The following PARP8 variants were observed in gnomAD, a reference collection of about 807,000 sequenced individuals.
PARP8 encodes protein mono-ADP-ribosyltransferase PARP8.
Under a neutral mutation model 124.1 loss-of-function variants are expected in PARP8, and 51 were observed. The ratio of observed to expected loss-of-function variants is 0.41; its 90% CI spans 0.33 to 0.52. PARP8 has a LOEUF of 0.52. PARP8 is among the 20% of genes least tolerant of loss of function. PARP8 has a pLI of 0.21. For missense variants in PARP8, 860 were observed against 1,018.9 expected (o/e 0.84, Z 2.12); for synonymous variants, 391 against 361.5 (o/e 1.08, Z -0.93).
intron 3 of PARP8, among the ~76,000 whole-genome samples, chr5:50,759,047 C>T (rs1414352796): frequency 3.9e-5 from 6 of 152,042 alleles, no homozygotes; most frequent in Non-Finnish European, 8.8e-5. Context: ...GTCTTCAGCT[C>T]AAATTTTTGA....
Position 50,761,826 on chromosome 5 carries a change from A to G in PARP8, c.351A>G (p.Ser117=), listed in dbSNP as rs768855482. Residue 117 remains serine (S), a synonymous_variant, in exon 6 of 26, where the codon TCA becomes TCG. Transcript: ENST00000281631. ...SKLQKENGEE[S]RQNSTVEEDS... is the part of the protein sequence containing the mutation. ...TCTTACTTTATTATTTTAAGGAATC[A>G]AGACAGAATAGTACAGTGGAGGAAG... The G allele has an allele frequency of 5.7e-6, 9 of 1,571,462 alleles. No individual in the cohort carries two copies. Among genetic ancestry groups the G allele is most frequent in the South Asian group, 1.2e-5 (1 of 84,836 alleles).
In PARP8 at chr5:50,815,479, G is replaced by A; in HGVS notation, c.1623G>A (p.Leu541=). ...RELCVFAFQT[L]GVMNEAADEI... is the part of the protein sequence containing the mutation. ...TGTGTGTGTTTGCTTTTCAAACCCT[G>A]GGAGTAATGAATGAAGCTGCTGATG... Residue 541 remains leucine (L), a synonymous_variant, in exon 15 of 26, where the codon CTG becomes CTA. Coordinates refer to ENST00000281631, the MANE Select transcript of PARP8 (RefSeq NM_024615.4). The A allele has an allele frequency of 6.3e-7, 1 of 1,599,626 alleles. No homozygotes were observed. The highest frequency in any genetic ancestry group is 8.5e-7 in the Non-Finnish European group (1 of 1,173,726).
intron 2 of PARP8, among the ~76,000 whole-genome samples, chr5:50,708,685 C>T (rs1487666253): frequency 1.3e-5 from 2 of 148,574 alleles, no homozygotes; most frequent in African/African-American, 5.2e-5. Flanking sequence ...ATTGATATGG[C>T]TTGATGTCAA....
intron 9 of PARP8, among the ~76,000 whole-genome samples, chr5:50,780,117 G>T (rs1459474757): frequency 6.6e-6 from 1 of 152,064 alleles, no homozygotes; most frequent in Non-Finnish European, 1.5e-5. Flanking sequence ...TTATAAAGTT[G>T]ACAATGAATT....
At chr5:50,668,360 T>C in intron 2 of PARP8, 1 of 550,856 alleles carries the variant, frequency 1.8e-6, no homozygotes, top group Non-Finnish European at 3.3e-6. Context: ...GAACTCTTCA[T>C]GTTGAAACTG....
At chr5:50,762,365 G>A (rs1397030035) in intron 6 of PARP8, among the ~76,000 whole-genome samples, 1 of 151,968 alleles carries the variant, frequency 6.6e-6, no homozygotes, top group Non-Finnish European at 1.5e-5. Flanking sequence ...TTGAAAAATT[G>A]TTATGAAGAA....
chr5:50,787,459 C>T (rs1741390648), intron 9 of PARP8, among the ~76,000 whole-genome samples: 1 of 152,096 alleles, frequency 6.6e-6, no homozygotes, highest in South Asian at 2.1e-4. Flanking sequence ...CCTGCTTGTT[C>T]TTATCTAACA....
intron 9 of PARP8, among the ~76,000 whole-genome samples, chr5:50,787,905 A>G (rs1397783266): frequency 1.3e-5 from 2 of 150,110 alleles, no homozygotes; most frequent in African/African-American, 4.9e-5. Flanking sequence ...GTTAGTATAT[A>G]TGTATATATG....
At chr5:50,769,759 A>G (rs1580275340) in intron 7 of PARP8, among the ~76,000 whole-genome samples, 2 of 152,068 alleles carry the variant, frequency 1.3e-5, no homozygotes, top group South Asian at 4.1e-4. Context: ...TTTATATATT[A>G]CACTGTATAA....
At chr5:50,804,038 G>T (rs1315777599) in intron 14 of PARP8, among the ~76,000 whole-genome samples, 1 of 152,052 alleles carries the variant, frequency 6.6e-6, no homozygotes, top group Non-Finnish European at 1.5e-5. Flanking sequence ...TCTTGAGCAT[G>T]CACACAGTCA....
intron 2 of PARP8, among the ~76,000 whole-genome samples, chr5:50,680,196 A>G (rs1034897034): frequency 3.3e-5 from 5 of 152,292 alleles, no homozygotes; most frequent in East Asian, 1.9e-4. Context: ...GCCTTCTTCA[A>G]TACTCTGGAT....
At chr5:50,768,292 T>C (rs1761249076) in intron 7 of PARP8, among the ~76,000 whole-genome samples, 1 of 152,002 alleles carries the variant, frequency 6.6e-6, no homozygotes, top group African/African-American at 2.4e-5. Context: ...TTGCTAAGAA[T>C]TCTAACACAG....
At chr5:50,682,515 A>T (rs562427953) in intron 2 of PARP8, among the ~76,000 whole-genome samples, 1 of 152,252 alleles carries the variant, frequency 6.6e-6, no homozygotes, top group Admixed American at 6.5e-5. Flanking sequence ...CTACCTTGTT[A>T]CTGCAGAAAT....
intron 2 of PARP8, among the ~76,000 whole-genome samples, chr5:50,677,317 A>G (rs79886335): frequency 2.0e-5 from 3 of 146,728 alleles, no homozygotes; most frequent in African/African-American, 2.5e-5. Context: ...TATGCAGCAA[A>G]AAAAAAAAAA....
rs1244086882 is a variant in PARP8 at position 50,740,417 on chromosome 5, TTGGAGCATAGAGAGAACAG to T, written c.147-9713_147-9695del. The stretch of plus-strand genomic sequence containing the variant: ...CAAGAACTGAAAGGAGTCTTTTTTG[TTGGAGCATAGAGAGAACAG>T]TGGAGCATAGAGAGAACAGTTGGAG... On this transcript the variant is annotated intron_variant, in intron 2 of 25. Coordinates refer to ENST00000281631, the MANE Select transcript of PARP8 (RefSeq NM_024615.4). 9.4e-4 allele frequency among the ~76,000 whole-genome samples: 143 copies of T among 152,198 alleles called. 1 individual carries two copies. The highest frequency in any genetic ancestry group is 3.3e-3 in the African/African-American group (135 of 41,520).
At chr5:50,687,499 A>G (rs1403694564) in intron 2 of PARP8, among the ~76,000 whole-genome samples, 4 of 152,172 alleles carry the variant, frequency 2.6e-5, no homozygotes, top group African/African-American at 9.6e-5. Flanking sequence ...TCGCTTCCAC[A>G]TTTTTGGGTA....
intron 15 of PARP8, among the ~76,000 whole-genome samples, chr5:50,819,044 T>G (rs1745445882): frequency 6.6e-6 from 1 of 152,172 alleles, no homozygotes; most frequent in Admixed American, 6.5e-5. Context: ...AAGCCAGTGG[T>G]TAAGACCTTA....
chr5:50,686,837 G>A (rs1205749278), intron 2 of PARP8, among the ~76,000 whole-genome samples: 3 of 152,124 alleles, frequency 2.0e-5, no homozygotes, highest in Non-Finnish European at 2.9e-5. Flanking sequence ...TGGCTGGGAC[G>A]CAGGGCATGG....
intron 2 of PARP8, among the ~76,000 whole-genome samples, chr5:50,713,159 T>A (rs909477269): frequency 4.6e-5 from 7 of 152,028 alleles, no homozygotes; most frequent in African/African-American, 1.7e-4. Flanking sequence ...AGATCTGTGG[T>A]GATGTTTCAA....
Sources: allele counts gnomAD v4.1 joint callset (sites outside exome capture counted in the v4.1 genomes callset), GRCh38; gene constraint gnomAD v4.1.1; transcripts MANE v1.5; gene names NCBI Gene and HGNC (gene_info 2026-07-23, HGNC 2026-07-21).